Variants in GALNT13 observed in about 807,000 individuals in gnomAD.
GALNT13 encodes polypeptide N-acetylgalactosaminyltransferase 13.
In GALNT13, 28 loss-of-function variants were observed where a neutral mutation model predicts 64.2. That is an observed-to-expected ratio of 0.44 (90% CI 0.32 to 0.60). GALNT13 has a LOEUF of 0.60. Ranked by LOEUF, GALNT13 falls within the 20% of genes least tolerant of loss-of-function variation. The pLI, the probability that GALNT13 is intolerant of heterozygous loss-of-function variation, is 0.05. For synonymous variants in GALNT13, 214 were observed against 224.6 expected (o/e 0.95, Z 0.42); for missense variants, 577 against 669.8 (o/e 0.86, Z 1.53).
chr2:153,932,721 G>A (rs868667427), intron 2 of GALNT13, among the ~76,000 whole-genome samples: 1 of 149,232 alleles, frequency 6.7e-6, no homozygotes, highest in Non-Finnish European at 1.5e-5. Context: ...TCCGCCTCCT[G>A]GGTTCAAGCG....
At chr2:154,361,542 T>C (rs942827611) in intron 9 of GALNT13, among the ~76,000 whole-genome samples, 2 of 152,084 alleles carry the variant, frequency 1.3e-5, no homozygotes, top group African/African-American at 4.8e-5. Context: ...TTTGCTGTAA[T>C]ACAGTGCATT....
At chr2:154,044,963 G>C (rs762395490) in intron 3 of GALNT13, among the ~76,000 whole-genome samples, 39 of 137,756 alleles carry the variant, frequency 2.8e-4, no homozygotes, top group Non-Finnish European at 6.1e-4. Flanking sequence ...ATTTTAGCTG[G>C]GCCTAGGAGG....
chr2:154,243,849 C>T (rs1689629400), intron 6 of GALNT13, among the ~76,000 whole-genome samples: 1 of 152,148 alleles, frequency 6.6e-6, no homozygotes, highest in Admixed American at 6.5e-5. Flanking sequence ...GCTACTTAGT[C>T]TGAGCTAGTC....
At chr2:153,670,110 C>T in the GALNT13 span, among the ~76,000 whole-genome samples, 1 of 152,224 alleles carries the variant, frequency 6.6e-6, no homozygotes. Context: ...CCTCTGGGGG[C>T]AGGGAATATC....
At chr2:154,287,240 A>G in intron 8 of GALNT13, 2 of 1,070,260 alleles carry the variant, frequency 1.9e-6, no homozygotes, top group Non-Finnish European at 2.9e-6. Context: ...GAAGGCAGCC[A>G]TCATCTTTGC....
chr2:153,386,400 G>A, the GALNT13 span, among the ~76,000 whole-genome samples: 4,315 of 152,020 alleles, frequency 0.028, 179 homozygotes, highest in African/African-American at 0.097. Flanking sequence ...ATCACATACA[G>A]TTGGGTAAAA....
the GALNT13 span, among the ~76,000 whole-genome samples, chr2:153,830,346 G>A: frequency 6.6e-6 from 1 of 151,874 alleles, no homozygotes; most frequent in South Asian, 2.1e-4. Flanking sequence ...CTGTACATTT[G>A]TTCATTTTCT....
intron 9 of GALNT13, among the ~76,000 whole-genome samples, chr2:154,368,082 A>C (rs1697471697): frequency 6.6e-6 from 1 of 152,202 alleles, no homozygotes; most frequent in African/African-American, 2.4e-5. Flanking sequence ...GTATATTTTT[A>C]GAATAAACAT....
the GALNT13 span, among the ~76,000 whole-genome samples, chr2:153,507,213 A>G: frequency 6.6e-6 from 1 of 152,004 alleles, no homozygotes; most frequent in South Asian, 2.1e-4. Context: ...ATTGTTTTTT[A>G]TTCGTTATTT....
chr2:153,850,252 G>A, the GALNT13 span, among the ~76,000 whole-genome samples: 3 of 151,928 alleles, frequency 2.0e-5, no homozygotes, highest in Non-Finnish European at 4.4e-5. Flanking sequence ...ACAACACTTG[G>A]CACTCACACC....
At chr2:154,325,743 T>C (rs1430520144) in intron 9 of GALNT13, among the ~76,000 whole-genome samples, 4 of 151,350 alleles carry the variant, frequency 2.6e-5, no homozygotes, top group Non-Finnish European at 1.5e-5. Flanking sequence ...AACTCATTTT[T>C]AAAACTAGAT....
At chr2:153,314,702 G>A in the GALNT13 span, among the ~76,000 whole-genome samples, 1 of 144,566 alleles carries the variant, frequency 6.9e-6, no homozygotes, top group East Asian at 2.0e-4. Flanking sequence ...GAAACCACAG[G>A]GAAATAGATA....
intron 3 of GALNT13, among the ~76,000 whole-genome samples, chr2:153,955,879 G>C (rs1300488404): frequency 3.3e-5 from 5 of 152,132 alleles, no homozygotes. Context: ...CTCTGGCTCT[G>C]GGGGCCCTAC....
intron 7 of GALNT13, among the ~76,000 whole-genome samples, chr2:154,249,320 C>T (rs932434159): frequency 1.3e-5 from 2 of 152,148 alleles, no homozygotes; most frequent in African/African-American, 4.8e-5. Context: ...TAAAGTTGCT[C>T]ACTGTCTGGC....
chr2:154,306,253 T>C (rs1338347961), intron 9 of GALNT13, among the ~76,000 whole-genome samples: 2 of 152,084 alleles, frequency 1.3e-5, no homozygotes, highest in Non-Finnish European at 2.9e-5. Context: ...CTGCACCCAT[T>C]AACCCGTCAT....
the GALNT13 span, among the ~76,000 whole-genome samples, chr2:153,602,528 C>T: frequency 6.6e-6 from 1 of 151,680 alleles, no homozygotes; most frequent in African/African-American, 2.4e-5. Flanking sequence ...GCCATGTGGA[C>T]ATACGGGCAA....
chr2:153,611,425 G>A, the GALNT13 span, among the ~76,000 whole-genome samples: 1 of 151,948 alleles, frequency 6.6e-6, no homozygotes, highest in African/African-American at 2.4e-5. Flanking sequence ...CTGGAGTCCA[G>A]TGGTGCAATC....
the GALNT13 span, among the ~76,000 whole-genome samples, chr2:153,829,733 C>T: frequency 6.6e-6 from 1 of 152,092 alleles, no homozygotes; most frequent in Non-Finnish European, 1.5e-5. Context: ...TTACAAATGG[C>T]ATTTAACTGA....
the GALNT13 span, among the ~76,000 whole-genome samples, chr2:153,424,394 C>T: frequency 6.6e-6 from 1 of 151,244 alleles, no homozygotes; most frequent in Non-Finnish European, 1.5e-5. Context: ...TTCAGAAAAC[C>T]AAAACTCATT....
Sources: gnomAD v4.1 joint callset for allele counts (sites outside exome capture counted in the v4.1 genomes callset) on GRCh38, gnomAD v4.1.1 for gene constraint, MANE v1.5 for transcripts, NCBI Gene and HGNC (gene_info 2026-07-23, HGNC 2026-07-21) for gene names.